The following NSRP1 variants were observed in gnomAD, a reference collection of about 807,000 sequenced individuals.
NSRP1 encodes nuclear speckle splicing regulatory protein 1.
Under a neutral mutation model 54.7 loss-of-function variants are expected in NSRP1, and 24 were observed. The observed-to-expected ratio is 0.44, with a 90% CI of 0.32 to 0.62. The LOEUF is 0.62. NSRP1 is among the 20% of genes least tolerant of loss of function. The pLI, the probability that NSRP1 is intolerant of heterozygous loss-of-function variation, is 0.06. For missense variants in NSRP1, 596 were observed against 651.2 expected, an observed-to-expected ratio of 0.92 and a Z score of 0.92; for synonymous variants, 210 against 213.8, an observed-to-expected ratio of 0.98 and a Z score of 0.15.
intron 2 of NSRP1, among the ~76,000 whole-genome samples, chr17:30,123,531 CT>C (rs1379288259): frequency 6.6e-6 from 1 of 152,150 alleles, no homozygotes; most frequent in Non-Finnish European, 1.5e-5. Flanking sequence ...TGTCTGTTCA[CT>C]TTTCTTGAAA....
intron 3 of NSRP1, among the ~76,000 whole-genome samples, chr17:30,176,011 A>AC (rs1487349182): frequency 6.7e-6 from 1 of 149,346 alleles, no homozygotes; most frequent in Non-Finnish European, 1.5e-5. Flanking sequence ...CCCCCCCCCC[A>AC]AAAAAAAAGA....
chr17:30,164,696 GC>G (rs1322510970), intron 2 of NSRP1, among the ~76,000 whole-genome samples: 2 of 152,148 alleles, frequency 1.3e-5, no homozygotes, highest in Non-Finnish European at 2.9e-5. Flanking sequence ...TACTCCAGAT[GC>G]TGAGGCAGGA....
intron 2 of NSRP1, among the ~76,000 whole-genome samples, chr17:30,123,318 A>G (rs572782632): frequency 1.4e-4 from 22 of 152,100 alleles, no homozygotes; most frequent in Admixed American, 2.0e-4. Context: ...GGGTTTCACT[A>G]TGTTGGCCAG....
intron 2 of NSRP1, among the ~76,000 whole-genome samples, chr17:30,145,995 G>A (rs965947515): frequency 1.6e-5 from 2 of 122,708 alleles, no homozygotes; most frequent in Non-Finnish European, 3.7e-5. Flanking sequence ...GACTGCAGGT[G>A]CATGCCACCA....
Position 30,185,195 on chromosome 17 carries a change from G to A in NSRP1, c.1198G>A (p.Asp400Asn). The A allele has an allele frequency of 6.4e-7, 1 of 1,571,270 alleles. No homozygotes were observed. Among genetic ancestry groups the A allele is most frequent in the Non-Finnish European group, 8.6e-7 (1 of 1,157,942 alleles). The part of the protein sequence containing the change: ...REQERDRQQN[D>N]QNRPSEKGEK... ...ACAAGAAAGAGATAGACAACAAAAT[G>A]ATCAGAACCGACCCAGTGAGAAAGG... is the stretch of plus-strand genomic sequence containing the variant. The change falls in exon 7 of 7, where the codon GAT becomes AAT. Residue 400 changes from aspartate (D) to asparagine (N), a missense_variant. Asp to Asn is a conservative substitution (Grantham distance 23). Transcript: ENST00000247026.
chr17:30,137,067 C>T (rs2071756895), intron 2 of NSRP1, among the ~76,000 whole-genome samples: 1 of 151,996 alleles, frequency 6.6e-6, no homozygotes, highest in African/African-American at 2.4e-5. Context: ...TGAGTAGAAC[C>T]TCAAGAGTAT....
intron 3 of NSRP1, chr17:30,177,798 T>G: frequency 6.9e-6 from 3 of 437,620 alleles, no homozygotes; most frequent in Non-Finnish European, 1.2e-5. Flanking sequence ...CAGCTTAGAA[T>G]GTAAATATAG....
At chr17:30,127,919 C>T in intron 2 of NSRP1, 1 of 398,148 alleles carries the variant, frequency 2.5e-6, no homozygotes, top group Non-Finnish European at 4.4e-6. Flanking sequence ...ATGGCAGCCT[C>T]AACCTCCCAG....
intron 5 of NSRP1, among the ~76,000 whole-genome samples, chr17:30,179,959 C>G (rs953716905): frequency 6.6e-6 from 1 of 151,756 alleles, no homozygotes; most frequent in African/African-American, 2.4e-5. Flanking sequence ...ACCTCAGCCT[C>G]TTGAGTAGCT....
intron 2 of NSRP1, among the ~76,000 whole-genome samples, chr17:30,165,800 C>T (rs1904710798): frequency 6.6e-6 from 1 of 152,118 alleles, no homozygotes; most frequent in African/African-American, 2.4e-5. Flanking sequence ...AATATAAAAC[C>T]TTAAAGAATC....
intron 2 of NSRP1, among the ~76,000 whole-genome samples, chr17:30,141,604 A>G (rs1048585432): frequency 2.6e-5 from 4 of 152,190 alleles, no homozygotes; most frequent in Non-Finnish European, 4.4e-5. Flanking sequence ...GTTTTCTTTA[A>G]AGTACTATAT....
In NSRP1 at chr17:30,186,257, C is replaced by T. The variant is rs1188326070; in HGVS notation, c.*583C>T. ...TCCAACCTGGGCAACAGAATGAGAC[C>T]CTGTCTCTAAAAAATTTTTTTTAAA... On this transcript the variant is annotated 3_prime_UTR_variant, in exon 7 of 7. Coordinates refer to ENST00000247026, the MANE Select transcript of NSRP1 (RefSeq NM_032141.4). 6.6e-6 allele frequency: 1 copy of T among 151,956 alleles called. No individual in the cohort carries two copies. The highest frequency in any genetic ancestry group is 1.5e-5 in the Non-Finnish European group (1 of 67,990). The allele number at this position is 151,956 out of a possible 1,614,324, so 9.4% of individuals were successfully genotyped here. A position where few individuals can be genotyped will look rare whatever the true frequency, so the allele number is the denominator to read the frequency against.
At chr17:30,162,412 C>T (rs1164076768) in intron 2 of NSRP1, among the ~76,000 whole-genome samples, 1 of 152,174 alleles carries the variant, frequency 6.6e-6, no homozygotes, top group Non-Finnish European at 1.5e-5. Flanking sequence ...TTAGGGTACT[C>T]ATCACAGCCC....
intron 2 of NSRP1, among the ~76,000 whole-genome samples, chr17:30,142,727 A>C (rs750048570): frequency 8.5e-5 from 13 of 152,196 alleles, no homozygotes; most frequent in Non-Finnish European, 1.3e-4. Flanking sequence ...AGTAATTACT[A>C]TTCATCATTA....
At chr17:30,169,169 T>C (rs187471277) in intron 2 of NSRP1, among the ~76,000 whole-genome samples, 1 of 152,228 alleles carries the variant, frequency 6.6e-6, no homozygotes, top group East Asian at 1.9e-4. Context: ...CTGCTTATTC[T>C]ATATTTTATA....
At chr17:30,130,095 T>C (rs184816180) in intron 2 of NSRP1, among the ~76,000 whole-genome samples, 6 of 152,282 alleles carry the variant, frequency 3.9e-5, no homozygotes, top group African/African-American at 1.4e-4. Context: ...TTTCTTTTTC[T>C]TTTTTAAAAT....
At chr17:30,123,442 T>C (rs2071622193) in intron 2 of NSRP1, among the ~76,000 whole-genome samples, 1 of 152,220 alleles carries the variant, frequency 6.6e-6, no homozygotes, top group Admixed American at 6.5e-5. Context: ...TGGGTTGTCA[T>C]TTTATTATGG....
In NSRP1 at chr17:30,127,640, C is replaced by G. The variant is rs561828034; in HGVS notation, c.114+9467C>G. On this transcript the variant is annotated intron_variant, in intron 2 of 6. Coordinates refer to ENST00000247026, the MANE Select transcript of NSRP1 (RefSeq NM_032141.4). ...TGTTTCCCAGGCTGGTCTCAGACTC[C>G]TGGCCTCTAGTGATCCTTGTGCCTC... Among the ~76,000 whole-genome samples the G allele has an allele frequency of 2.0e-5, 3 of 152,128 alleles. No homozygotes were observed. In the East Asian group the frequency reaches 5.8e-4, roughly 29 times the overall value.
intron 2 of NSRP1, among the ~76,000 whole-genome samples, chr17:30,170,951 C>CT (rs1904909642): frequency 6.6e-6 from 1 of 152,076 alleles, no homozygotes; most frequent in Non-Finnish European, 1.5e-5. Context: ...TATTTTTTGA[C>CT]TTTTTTAGAA....
Sources: gnomAD v4.1 joint callset for allele counts (sites outside exome capture counted in the v4.1 genomes callset) on GRCh38, gnomAD v4.1.1 for gene constraint, MANE v1.5 for transcripts, NCBI Gene and HGNC (gene_info 2026-07-23, HGNC 2026-07-21) for gene names.